Variants in ARHGEF10L observed in about 807,000 individuals in gnomAD.
The protein encoded by ARHGEF10L is Rho guanine nucleotide exchange factor 10 like.
Under a neutral mutation model 141.2 loss-of-function variants are expected in ARHGEF10L, and 69 were observed. That is an observed-to-expected ratio of 0.49 (90% CI 0.40 to 0.60). The LOEUF is 0.60. ARHGEF10L is among the 20% of genes least tolerant of loss of function. ARHGEF10L has a pLI of 0.00. For missense variants in ARHGEF10L, 1,482 were observed against 1,734.3 expected, an observed-to-expected ratio of 0.85 and a Z score of 2.58; for synonymous variants, 711 against 718.5, an observed-to-expected ratio of 0.99 and a Z score of 0.17.
At chr1:17,675,280 C>G (rs1043455320) in intron 26 of ARHGEF10L, among the ~76,000 whole-genome samples, 2 of 152,358 alleles carry the variant, frequency 1.3e-5, no homozygotes, top group South Asian at 2.1e-4. Context: ...GCAGGGCAAC[C>G]GCCTTGGCTG....
At chr1:17,686,408 T>C (rs746724894) in intron 26 of ARHGEF10L, among the ~76,000 whole-genome samples, 2 of 152,252 alleles carry the variant, frequency 1.3e-5, no homozygotes, top group Non-Finnish European at 2.9e-5. Context: ...GGCTCTGTCC[T>C]TGGAGTCCAC....
intron 7 of ARHGEF10L, among the ~76,000 whole-genome samples, chr1:17,608,603 G>C (rs76286976): frequency 6.6e-6 from 1 of 152,094 alleles, no homozygotes. Context: ...GCTGTGAGGG[G>C]GATAGGTCAT....
rs1362009441 is a variant in ARHGEF10L, at chr1:17,615,777, C to T, written c.727-317C>T. The T allele has an allele frequency of 4.2e-6, 1 of 238,896 alleles. No homozygotes were observed. The highest frequency in any genetic ancestry group is 8.3e-6 in the Non-Finnish European group (1 of 120,486). The allele number at this position is 238,896 out of a possible 1,614,324, so 14.8% of individuals were successfully genotyped here. ...CATGCCATTGGCGGGTGGCCCAGGG[C>T]TCCAGGTCTCCAGCACCCCTCGGCC... On this transcript the variant is annotated intron_variant, in intron 8 of 28. Coordinates refer to ENST00000361221, the MANE Select transcript of ARHGEF10L (RefSeq NM_018125.4). This position sits in a 1 kb window ranked among gnomAD's most constrained non-coding sequence, Gnocchi z 4.7.
In ARHGEF10L at chr1:17,654,998, G is replaced by T. The variant is rs1428173759; in HGVS notation, c.2481+276G>T. ...AGAAGGAAGTGAAAGGGGGAGCTGTGCAGAGGACCTGGGTCTCAGGATCTT... is the reference window on the plus strand; with the variant it reads ...AGAAGGAAGTGAAAGGGGGAGCTGTTCAGAGGACCTGGGTCTCAGGATCTT... On this transcript the variant is annotated intron_variant, in intron 23 of 28. Transcript: ENST00000361221. The surrounding 1 kb of genome is among the most constrained non-coding windows in gnomAD (Gnocchi z 4.3). 6.6e-6 allele frequency among the ~76,000 whole-genome samples: 1 copy of T among 152,216 alleles called. No individual in the cohort carries two copies. The highest frequency in any genetic ancestry group is 1.5e-5 in the Non-Finnish European group (1 of 68,038).
chr1:17,640,273 A>G lies in ARHGEF10L; in HGVS notation c.2243A>G (p.Asn748Ser). The G allele has an allele frequency of 6.2e-7, 1 of 1,613,248 alleles. No homozygotes were observed. The highest frequency in any genetic ancestry group is 1.3e-5 in the African/African-American group (1 of 75,024). Reference sequence around the variant, plus strand: ...CCCCTGAGCAAGATTTCCTGGGTCAACAGGTTACATTTGGCCAAAATCGGA... The same window carrying G: ...CCCCTGAGCAAGATTTCCTGGGTCAGCAGGTTACATTTGGCCAAAATCGGA... ...PNPLSKISWV[N>S]RLHLAKIGLR... Residue 748 changes from asparagine (N) to serine (S), a missense_variant, in exon 21 of 29, where the codon AAC becomes AGC. Transcript: ENST00000361221.
At chr1:17,579,810 C>T (rs114537224) in intron 1 of ARHGEF10L, among the ~76,000 whole-genome samples, 1,990 of 152,202 alleles carry the variant, frequency 0.013, 52 homozygotes, top group African/African-American at 0.046. Flanking sequence ...CAGTAGGGAG[C>T]GGGGGCAGGG....
At chr1:17,660,703 G>A (rs2062568576) in intron 25 of ARHGEF10L, among the ~76,000 whole-genome samples, 1 of 152,244 alleles carries the variant, frequency 6.6e-6, no homozygotes, top group African/African-American at 2.4e-5. Context: ...AGGTGCCTTT[G>A]CTGAGACAGG....
rs3753379 is a variant in ARHGEF10L, at chr1:17,644,261, T to C, written c.2272+3959T>C. Among the ~76,000 whole-genome samples, 17,728 of 152,258 alleles carry C rather than the reference T, an allele frequency of 0.12. 1,292 individuals are homozygous for C. The highest frequency in any genetic ancestry group is 0.16 in the Middle Eastern group (47 of 292). ...CCCATAGTCGTCACACTGACGCCAA[T>C]ATTCCTTCCGGGATGACTCCAGCTG... is the stretch of plus-strand genomic sequence containing the variant. On this transcript the variant is annotated intron_variant, in intron 21 of 28. Transcript: ENST00000361221. The surrounding 1 kb of genome is among the most constrained non-coding windows in gnomAD (Gnocchi z 4.5).
At chr1:17,602,867 G>GA (rs141469951) in intron 5 of ARHGEF10L, among the ~76,000 whole-genome samples, 15,513 of 152,052 alleles carry the variant, frequency 0.1, 942 homozygotes, top group Non-Finnish European at 0.13. Context: ...ACCAGGTGGG[G>GA]AAGGGTGGAG....
At chr1:17,514,005 G>A in the ARHGEF10L span, among the ~76,000 whole-genome samples, 2 of 150,868 alleles carry the variant, frequency 1.3e-5, no homozygotes, top group Non-Finnish European at 2.9e-5. Context: ...TGTACTTTTA[G>A]TAGAGACAGG....
At chr1:17,602,077 T>C in intron 4 of ARHGEF10L, 50 bp from the exon 5 acceptor site, 2 of 1,458,696 alleles carry the variant, frequency 1.4e-6, no homozygotes, top group Non-Finnish European at 1.8e-6. Flanking sequence ...TGCCAGAGGC[T>C]TCTGGGAGCC....
chr1:17,687,493 C>A, intron 26 of ARHGEF10L, 80 bp from the exon 27 acceptor site: 1 of 1,498,348 alleles, frequency 6.7e-7, no homozygotes, highest in Non-Finnish European at 9.2e-7. Context: ...GTGAGAATGG[C>A]TGGCCCAGGG....
intron 4 of ARHGEF10L, among the ~76,000 whole-genome samples, chr1:17,600,107 C>T (rs577638793): frequency 4.6e-5 from 7 of 152,358 alleles, no homozygotes; most frequent in African/African-American, 1.2e-4. Context: ...CACTCCCTGG[C>T]AGAGTGATCT....
At chr1:17,562,752 C>A (rs1378960920) in intron 1 of ARHGEF10L, among the ~76,000 whole-genome samples, 1 of 152,186 alleles carries the variant, frequency 6.6e-6, no homozygotes, top group Non-Finnish European at 1.5e-5. Context: ...TGTGCCCAGA[C>A]CTTTGAAGGA....
intron 1 of ARHGEF10L, among the ~76,000 whole-genome samples, chr1:17,577,894 T>C (rs1162082937): frequency 6.6e-6 from 1 of 152,196 alleles, no homozygotes; most frequent in Non-Finnish European, 1.5e-5. Flanking sequence ...TCAGGCTCCA[T>C]ACATGTTGGT....
chr1:17,546,361 A>G (rs2076915427), intron 1 of ARHGEF10L, among the ~76,000 whole-genome samples: 1 of 152,206 alleles, frequency 6.6e-6, no homozygotes, highest in South Asian at 2.1e-4. Flanking sequence ...CAGATAATTG[A>G]GAACTTGTTT....
At chr1:17,579,484 G>A (rs2078384022) in intron 1 of ARHGEF10L, among the ~76,000 whole-genome samples, 2 of 151,976 alleles carry the variant, frequency 1.3e-5, no homozygotes, top group African/African-American at 4.8e-5. Flanking sequence ...AACCATTCTT[G>A]GTCTCATTTT....
chr1:17,672,386 C>T (rs1427440040), intron 26 of ARHGEF10L, among the ~76,000 whole-genome samples: 2 of 152,006 alleles, frequency 1.3e-5, no homozygotes, highest in African/African-American at 4.8e-5. Context: ...AAGAGAAATT[C>T]AGGCGCAGGG....
intron 1 of ARHGEF10L, among the ~76,000 whole-genome samples, chr1:17,572,893 C>T (rs938915340): frequency 6.6e-6 from 1 of 152,108 alleles, no homozygotes; most frequent in Non-Finnish European, 1.5e-5. Flanking sequence ...AGCTTGGCCC[C>T]CTGGAGGCTT....
Sources: allele counts gnomAD v4.1 joint callset (sites outside exome capture counted in the v4.1 genomes callset), GRCh38; gene constraint gnomAD v4.1.1; non-coding constraint Gnocchi (gnomAD v3.1); transcripts MANE v1.5; gene names NCBI Gene and HGNC (gene_info 2026-07-23, HGNC 2026-07-21).